Variants in RHOA observed in about 807,000 individuals in gnomAD.
RHOA encodes ras homolog family member A, also known as transforming protein RhoA.
A neutral mutation model predicts 17.5 loss-of-function variants in RHOA; 3 were observed. The observed-to-expected ratio is 0.17, with a 90% CI of 0.08 to 0.44. The LOEUF is 0.44. Among genes scored for constraint, RHOA ranks in the 20% least tolerant of loss-of-function variants. RHOA has a pLI of 0.99. For synonymous variants in RHOA, 98 were observed against 88.4 expected (o/e 1.11, Z -0.61); for missense variants, 56 against 242.3 (o/e 0.23, Z 5.10).
chr3:49,365,871 G>A (rs946012425), intron 3 of RHOA, among the ~76,000 whole-genome samples: 1 of 152,040 alleles, frequency 6.6e-6, no homozygotes, highest in Non-Finnish European at 1.5e-5. Context: ...GATTACAGGC[G>A]TGAGCCACCA....
chr3:49,407,238 T>G (rs13321198), intron 1 of RHOA, among the ~76,000 whole-genome samples: 4,748 of 135,574 alleles, frequency 0.035, 286 homozygotes, highest in African/African-American at 0.12. Context: ...TTCCGTTTTT[T>G]TTTTTTTTTT....
intron 3 of RHOA, among the ~76,000 whole-genome samples, chr3:49,365,900 TAA>T (rs2048047386): frequency 6.6e-6 from 1 of 151,966 alleles, no homozygotes; most frequent in African/African-American, 2.4e-5. Context: ...CTAAAAAATA[TAA>T]AAATTAACCA....
chr3:49,411,398 G>C (rs1422342528), intron 1 of RHOA, among the ~76,000 whole-genome samples: 1 of 152,258 alleles, frequency 6.6e-6, no homozygotes, highest in Non-Finnish European at 1.5e-5. Flanking sequence ...GCAAAATGGA[G>C]TTGTAAAGAG....
At chr3:49,407,247 T>G (rs1392081574) in intron 1 of RHOA, among the ~76,000 whole-genome samples, 6 of 143,484 alleles carry the variant, frequency 4.2e-5, no homozygotes, top group Non-Finnish European at 7.6e-5. Flanking sequence ...TTTTTTTTTT[T>G]TTTTTTTTTT....
intron 2 of RHOA, among the ~76,000 whole-genome samples, chr3:49,369,476 T>C (rs1272296757): frequency 4.0e-5 from 6 of 151,814 alleles, no homozygotes; most frequent in Non-Finnish European, 2.9e-5. Context: ...CTCATGCCTG[T>C]AATCCTAGCA....
chr3:49,362,316 G>C (rs1360179838), intron 4 of RHOA, among the ~76,000 whole-genome samples, 180 bp downstream of exon 4: 7 of 152,114 alleles, frequency 4.6e-5, no homozygotes, highest in Non-Finnish European at 1.5e-5. Context: ...CACAGGACTG[G>C]TGAACTATCT....
chr3:49,368,325 T>C, intron 3 of RHOA, 103 bp downstream of exon 3: 1 of 1,410,362 alleles, frequency 7.1e-7, no homozygotes, highest in South Asian at 1.2e-5. Context: ...CGATGATTGC[T>C]TCTCTGAAGT....
intron 1 of RHOA, among the ~76,000 whole-genome samples, chr3:49,392,341 A>G (rs1446392358): frequency 6.6e-6 from 1 of 151,988 alleles, no homozygotes; most frequent in African/African-American, 2.4e-5. Flanking sequence ...AGGGTGGGAA[A>G]CTGAGGTGAG....
At chr3:49,401,118 T>C (rs2107900587) in intron 1 of RHOA, among the ~76,000 whole-genome samples, 1 of 151,360 alleles carries the variant, frequency 6.6e-6, no homozygotes, top group Non-Finnish European at 1.5e-5. Context: ...TTACTAATAT[T>C]AGACACTAGG....
chr3:49,368,345 C>T, intron 3 of RHOA, 83 bp downstream of exon 3: 1 of 1,525,154 alleles, frequency 6.6e-7, no homozygotes, highest in Non-Finnish European at 9.0e-7. Flanking sequence ...TTCATGTCTG[C>T]TTTTCAGCCA....
chr3:49,376,625 A>C (rs2048232010), intron 1 of RHOA, among the ~76,000 whole-genome samples: 1 of 147,538 alleles, frequency 6.8e-6, no homozygotes, highest in East Asian at 2.0e-4. Context: ...CCTGGGGGAC[A>C]GAGTAAGACT....
intron 2 of RHOA, among the ~76,000 whole-genome samples, chr3:49,374,262 C>G (rs553068582): frequency 6.6e-6 from 1 of 152,106 alleles, no homozygotes; most frequent in Admixed American, 6.6e-5. Context: ...GGCAGGAGAA[C>G]AGCGTGAACC....
rs554862819 is a variant in RHOA at position 49,385,404 on chromosome 3, C to T, written c.-2-9813G>A. On this transcript the variant is annotated intron_variant, in intron 1 of 4. Coordinates refer to ENST00000418115, the MANE Select transcript of RHOA (RefSeq NM_001664.4). ...CTAATTTTTTTATTTTTAGTAGAGACGGGGTTTTACCATGTTGACCAGGCT... is the reference window on the plus strand; with the variant it reads ...CTAATTTTTTTATTTTTAGTAGAGATGGGGTTTTACCATGTTGACCAGGCT... 6.6e-5 allele frequency among the ~76,000 whole-genome samples: 10 copies of T among 151,836 alleles called. No homozygotes were observed. In the South Asian group the frequency reaches 1.0e-3, roughly 16 times the overall value.
rs199906304 is a variant in RHOA at position 49,380,674 on chromosome 3, AAATAATAATAATAATAATAATAAT to A, written c.-2-5107_-2-5084del. Reference sequence around the variant, plus strand: ...TGGGTGACAGAGACTCTTGTCTCAAAAATAATAATAATAATAATAATAATAATAATAATAATAATAATAATAAAT... The same window carrying A: ...TGGGTGACAGAGACTCTTGTCTCAAAAATAATAATAATAATAATAATAAAT... On this transcript the variant is annotated intron_variant, in intron 1 of 4. Coordinates refer to ENST00000418115, the MANE Select transcript of RHOA (RefSeq NM_001664.4). Among the ~76,000 whole-genome samples, 5 of 137,538 alleles carry A rather than the reference AAATAATAATAATAATAATAATAAT, an allele frequency of 3.6e-5. No homozygotes were observed. The South Asian group carries it at 7.1e-4, about 20-fold the overall frequency. The allele number at this position is 137,538 out of a possible 152,430, so 90.2% of individuals were successfully genotyped here.
chr3:49,364,465 A>G (rs2048022298), intron 3 of RHOA, among the ~76,000 whole-genome samples: 1 of 152,220 alleles, frequency 6.6e-6, no homozygotes, highest in South Asian at 2.1e-4. Context: ...AGCCTGGGCA[A>G]CAAGAGCGAA....
In RHOA at chr3:49,368,498, C is replaced by T. The variant is rs1246918024; in HGVS notation, c.207G>A (p.Leu69=). The change falls in exon 3 of 5, where the codon CTG becomes CTA. Residue 69 remains leucine, a synonymous_variant. Coordinates refer to ENST00000418115, the MANE Select transcript of RHOA (RefSeq NM_001664.4). Reference sequence around the variant, plus strand: ...CGGTATCTGGGTAGGAGAGGGGCCTCAGGCGATCATAATCTTCCTGCCCAG... The same window carrying T: ...CGGTATCTGGGTAGGAGAGGGGCCTTAGGCGATCATAATCTTCCTGCCCAG... ...DTAGQEDYDR[L]RPLSYPDTDV... The T allele has an allele frequency of 6.2e-7, 1 of 1,613,990 alleles. No homozygotes were observed. The highest frequency in any genetic ancestry group is 8.5e-7 in the Non-Finnish European group (1 of 1,179,984).
intron 1 of RHOA, among the ~76,000 whole-genome samples, chr3:49,386,597 C>T (rs2048399215): frequency 6.6e-6 from 1 of 152,172 alleles, no homozygotes; most frequent in Non-Finnish European, 1.5e-5. Context: ...TACCCTCCTT[C>T]CTTCCCCGTG....
chr3:49,392,933 T>G (rs1274575826), intron 1 of RHOA, among the ~76,000 whole-genome samples: 2 of 152,056 alleles, frequency 1.3e-5, no homozygotes, highest in Non-Finnish European at 1.5e-5. Context: ...TCCTAGCACT[T>G]TGGGAGGTCA....
At chr3:49,397,699 C>G (rs4452334) in intron 1 of RHOA, among the ~76,000 whole-genome samples, 148,491 of 152,140 alleles carry the variant, frequency 0.98, 72,588 homozygotes, top group Middle Eastern at 1. Flanking sequence ...TGCAGGAGAG[C>G]AGAGAACTGC....
Sources: gnomAD v4.1 joint callset for allele counts (sites outside exome capture counted in the v4.1 genomes callset) on GRCh38, gnomAD v4.1.1 for gene constraint, MANE v1.5 for transcripts, NCBI Gene and HGNC (gene_info 2026-07-23, HGNC 2026-07-21) for gene names.